TMEM43: variants seen among roughly 807,000 people sequenced by gnomAD.
The protein encoded by TMEM43 is transmembrane protein 43, also known as arrhythmogenic right ventricular dysplasia 5.
TMEM43 carries 45 observed loss-of-function variants against 49.6 expected under a neutral mutation model. The ratio of observed to expected loss-of-function variants is 0.91; its 90% confidence interval spans 0.71 to 1.16. TMEM43 has a LOEUF of 1.16. Among genes scored for constraint, TMEM43 ranks in the 50% most tolerant of loss-of-function variants. The pLI is 0.00. For missense variants in TMEM43, 532 were observed against 516.6 expected (o/e 1.03, Z -0.29); for synonymous variants, 199 against 207.8 (o/e 0.96, Z 0.36).
intron 1 of TMEM43, 66 bp downstream of exon 1, chr3:14,125,271 G>T: frequency 1.3e-6 from 2 of 1,548,520 alleles, no homozygotes; most frequent in East Asian, 2.4e-5. Context: ...TTTTCCCCGG[G>T]GTCCTCTAGG....
At chr3:14,139,090 G>A (rs966901860) in intron 10 of TMEM43, 90 bp from the exon 11 acceptor site, 3 of 931,480 alleles carry the variant, frequency 3.2e-6, no homozygotes, top group African/African-American at 1.6e-5. Flanking sequence ...AACAGCTCCC[G>A]AGTTGGTACA....
rs1215994204 is a variant in TMEM43 at position 14,129,456 on chromosome 3, C to T, written c.57C>T (p.Thr19=). The change falls in exon 2 of 12, where the codon ACC becomes ACT. Residue 19 remains threonine (T), a synonymous_variant. Transcript: ENST00000306077. ...STRREHVKVK[T]SSQPGFLERL... The stretch of plus-strand genomic sequence containing the variant: ...GGAGAGAACATGTCAAAGTTAAAAC[C>T]AGCTCCCAGCCAGGCTTCCTGGAAC... 2 of 1,613,782 alleles carry T rather than the reference C, an allele frequency of 1.2e-6. No homozygotes were observed. The highest frequency in any genetic ancestry group is 1.7e-6 in the Non-Finnish European group (2 of 1,179,964).
chr3:14,129,348 A>G, intron 1 of TMEM43, 64 bp from the exon 2 acceptor site: 2 of 1,347,272 alleles, frequency 1.5e-6, no homozygotes, highest in Non-Finnish European at 2.0e-6. Flanking sequence ...AGTATAAATA[A>G]ATAGCAAATT....
chr3:14,132,557 A>C lies in TMEM43; in HGVS notation c.404A>C (p.Glu135Ala), dbSNP rs2124988762. The stretch of plus-strand genomic sequence containing the variant: ...TGCTTTCCCTGCAGGGAGTACACCG[A>C]GGATGGGCAGGTGAAGAAGGAGACG... ...VETEESREYT[E>A]DGQVKKETRY... The change falls in exon 5 of 12, where the codon GAG becomes GCG. Residue 135 changes from glutamate to alanine, a missense_variant. Transcript: ENST00000306077. The C allele has an allele frequency of 4.3e-6, 7 of 1,614,130 alleles. No individual in the cohort carries two copies. Among genetic ancestry groups the C allele is most frequent in the Non-Finnish European group, 5.9e-6 (7 of 1,180,012 alleles).
intron 6 of TMEM43, 83 bp downstream of exon 6, chr3:14,133,018 G>A: frequency 8.2e-7 from 1 of 1,216,368 alleles, no homozygotes; most frequent in Non-Finnish European, 1.2e-6. Flanking sequence ...TGAATAACAG[G>A]ATTGAGTTAA....
chr3:14,143,133 A>C lies in TMEM43; in HGVS notation c.*1338A>C, dbSNP rs957946546. On this transcript the variant is annotated 3_prime_UTR_variant, in exon 12 of 12. Coordinates refer to ENST00000306077, the MANE Select transcript of TMEM43 (RefSeq NM_024334.3). ...ATTTCTAAGTTCCCCAACTACTCTC[A>C]CACCCTTTTAAAGATAAAGTATGTT... The C allele has an allele frequency of 6.6e-6, 1 of 152,118 alleles. No individual in the cohort carries two copies. The highest frequency in any genetic ancestry group is 1.5e-5 in the Non-Finnish European group (1 of 68,024). 9.4% of individuals were successfully genotyped at this position (152,118 alleles called of 1,614,324 possible).
At chr3:14,133,085 G>A (rs1695119356) in intron 6 of TMEM43, 150 bp downstream of exon 6, 1 of 720,206 alleles carries the variant, frequency 1.4e-6, no homozygotes, top group Non-Finnish European at 2.5e-6. Context: ...CCCTGTGCTG[G>A]GCACCAGGAA....
At chr3:14,129,168 G>T in intron 1 of TMEM43, 1 of 417,388 alleles carries the variant, frequency 2.4e-6, no homozygotes, top group East Asian at 5.4e-5. Flanking sequence ...GGCAGGAAAG[G>T]GGCACAAAGA....
At chr3:14,131,718 G>A in intron 4 of TMEM43, 44 bp downstream of exon 4, 2 of 1,407,122 alleles carry the variant, frequency 1.4e-6, no homozygotes, top group South Asian at 1.2e-5. Context: ...AAGGAGGAGT[G>A]AAGTGTAGGT....
intron 1 of TMEM43, among the ~76,000 whole-genome samples, chr3:14,128,330 C>T (rs1403125696): frequency 6.6e-6 from 1 of 152,202 alleles, no homozygotes; most frequent in Admixed American, 6.5e-5. Context: ...TGCCTACCTC[C>T]AAGCCCTTTC....
At chr3:14,129,064 AG>A (rs1425443913) in intron 1 of TMEM43, 11 of 436,414 alleles carry the variant, frequency 2.5e-5, no homozygotes, top group African/African-American at 2.1e-4. Flanking sequence ...CTCAAGTTGT[AG>A]AAGAAACAAA....
In TMEM43 at chr3:14,142,599, G is replaced by C. The variant is rs908942505; in HGVS notation, c.*804G>C. The stretch of plus-strand genomic sequence containing the variant: ...ACACTTAATATTTCAGACTGTTACA[G>C]GAAACACCCTTTAGTCTGTCAGTTG... On this transcript the variant is annotated 3_prime_UTR_variant, in exon 12 of 12. Coordinates refer to ENST00000306077, the MANE Select transcript of TMEM43 (RefSeq NM_024334.3). 3 of 152,738 alleles carry C rather than the reference G, an allele frequency of 2.0e-5. No individual in the cohort carries two copies. In the East Asian group the frequency reaches 5.8e-4, roughly 29 times the overall value. 9.5% of individuals were successfully genotyped at this position (152,738 alleles called of 1,614,324 possible). A position where few individuals can be genotyped will look rare whatever the true frequency, so the allele number is the denominator to read the frequency against.
rs1367829764 is a variant in TMEM43, at chr3:14,143,528, T to TAACCA, written c.*1733_*1734insAACCA. 1 of 152,378 alleles carries TAACCA rather than the reference T, an allele frequency of 6.6e-6. No homozygotes were observed. Among genetic ancestry groups the TAACCA allele is most frequent in the East Asian group, 1.9e-4 (1 of 5,190 alleles). The allele number at this position is 152,378 out of a possible 1,614,324, so 9.4% of individuals were successfully genotyped here. A position where few individuals can be genotyped will look rare whatever the true frequency, so the allele number is the denominator to read the frequency against. On this transcript the variant is annotated 3_prime_UTR_variant, in exon 12 of 12. Coordinates refer to ENST00000306077, the MANE Select transcript of TMEM43 (RefSeq NM_024334.3). ...AATGCAAAATCCTTGGGCTTTGGTT[T>TAACCA]TTTTCTAGTAAGGATTTTAAATAAC...
At position 14,129,447 on chromosome 3, in the gene TMEM43, A is replaced by C. The variant is rs1695063356; in HGVS notation, c.48A>C (p.Lys16Asn). 6.2e-7 allele frequency: 1 copy of C among 1,614,044 alleles called. No individual in the cohort carries two copies. The highest frequency in any genetic ancestry group is 8.5e-7 in the Non-Finnish European group (1 of 1,180,024). Reference protein sequence around the residue: ...SSTSTRREHVKVKTSSQPGFL... With the variant: ...SSTSTRREHVNVKTSSQPGFL... The stretch of plus-strand genomic sequence containing the variant: ...CCAGTACCCGGAGAGAACATGTCAA[A>C]GTTAAAACCAGCTCCCAGCCAGGCT... Residue 16 changes from lysine (K) to asparagine (N), a missense_variant, in exon 2 of 12, where the codon AAA becomes AAC. Coordinates refer to ENST00000306077, the MANE Select transcript of TMEM43 (RefSeq NM_024334.3).
At chr3:14,141,421 C>T (rs1695244334) in intron 11 of TMEM43, among the ~76,000 whole-genome samples, 172 bp from the exon 12 acceptor site, 1 of 152,204 alleles carries the variant, frequency 6.6e-6, no homozygotes, top group South Asian at 2.1e-4. Flanking sequence ...AGCAGAGGCT[C>T]CTGTGCTCCC....
intron 10 of TMEM43, among the ~76,000 whole-genome samples, chr3:14,137,529 C>T (rs1356570132): frequency 6.6e-6 from 1 of 152,200 alleles, no homozygotes; most frequent in Admixed American, 6.5e-5. Context: ...CAGCCCCCAC[C>T]CCCACACAAG....
rs1695218764 is a variant in TMEM43, at chr3:14,139,292, C to G, written c.995C>G (p.Thr332Ser). ...AACCTTATGACACGGATCCTCTACA[C>G]CTTGGGTAGGTGTTGGGGTGGGTCA... The part of the protein sequence containing the change: ...GLNLMTRILY[T>S]LVDWFPVFRD... Residue 332 changes from threonine (T) to serine (S), a missense_variant, in exon 11 of 12, where the codon ACC (threonine) becomes AGC (serine). Physicochemically the swap from Thr to Ser is moderately conservative, Grantham distance 58. Transcript: ENST00000306077. The G allele has an allele frequency of 3.7e-6, 6 of 1,613,210 alleles. No individual in the cohort carries two copies. The highest frequency in any genetic ancestry group is 5.1e-6 in the Non-Finnish European group (6 of 1,179,160).
In TMEM43 at chr3:14,137,469, C is replaced by T. The variant is rs984294985; in HGVS notation, c.882+1561C>T. Among the ~76,000 whole-genome samples, 20 of 152,314 alleles carry T rather than the reference C, an allele frequency of 1.3e-4. No individual in the cohort carries two copies. The East Asian group carries it at 2.9e-3, about 22-fold the overall frequency. On this transcript the variant is annotated intron_variant, in intron 10 of 11. Transcript: ENST00000306077. ...AGATGCTCAGGCGGCCTCCTTACCC[C>T]CTGGGTCTCCTGCTGCTTAGCAGCC...
chr3:14,136,929 A>C lies in TMEM43; in HGVS notation c.882+1021A>C, dbSNP rs575666801. ...GGCAGGCAATCCTTCTCTGCAGCAG[A>C]AGAATTGAGTCTTTAGTTTTTCTGT... On this transcript the variant is annotated intron_variant, in intron 10 of 11. Coordinates refer to ENST00000306077, the MANE Select transcript of TMEM43 (RefSeq NM_024334.3). Among the ~76,000 whole-genome samples, 6 of 149,340 alleles carry C rather than the reference A, an allele frequency of 4.0e-5. 1 individual carries two copies. Among genetic ancestry groups the C allele is most frequent in the South Asian group, 2.1e-4 (1 of 4,760 alleles).
Sources: gnomAD v4.1 joint callset for allele counts (sites outside exome capture counted in the v4.1 genomes callset) on GRCh38, gnomAD v4.1.1 for gene constraint, MANE v1.5 for transcripts, NCBI Gene and HGNC (gene_info 2026-07-23, HGNC 2026-07-21) for gene names.